Variants in SLC24A2 observed in about 807,000 individuals in gnomAD.
SLC24A2 encodes solute carrier family 24 member 2.
In SLC24A2, 36 loss-of-function variants were observed where a neutral mutation model predicts 62.0. That is an observed-to-expected ratio of 0.58 (90% CI 0.44 to 0.77). SLC24A2 has a LOEUF of 0.77. Among genes scored for constraint, SLC24A2 ranks in the 30% least tolerant of loss-of-function variants. SLC24A2 has a pLI of 0.00. For missense variants in SLC24A2, 846 were observed against 817.9 expected (o/e 1.03, Z -0.42); for synonymous variants, 358 against 294.0 (o/e 1.22, Z -2.23).
At chr9:20,041,780 G>A in the SLC24A2 span, among the ~76,000 whole-genome samples, 3 of 152,372 alleles carry the variant, frequency 2.0e-5, no homozygotes, top group East Asian at 3.9e-4. Flanking sequence ...GTAGCCAGTC[G>A]GGGGTCTAAG....
At chr9:19,753,275 T>C (rs1822039552) in intron 2 of SLC24A2, among the ~76,000 whole-genome samples, 1 of 152,246 alleles carries the variant, frequency 6.6e-6, no homozygotes, top group Admixed American at 6.5e-5. Flanking sequence ...GCAGCACATC[T>C]GATTTCTCAG....
Position 19,744,859 on chromosome 9 carries a change from T to A in SLC24A2, c.930+41078A>T, listed in dbSNP as rs186898646. ...AACATCTAAGCCTGTAACTATTGGC[T>A]TCTTTTCCACATCCACGGTTCTCTC... On this transcript the variant is annotated intron_variant, in intron 2 of 10. Coordinates refer to ENST00000341998, the MANE Select transcript of SLC24A2 (RefSeq NM_020344.4). Among the ~76,000 whole-genome samples the A allele has an allele frequency of 8.9e-4, 135 of 152,308 alleles. 1 individual carries two copies. The highest frequency in any genetic ancestry group is 3.1e-3 in the African/African-American group (130 of 41,574).
intron 8 of SLC24A2, among the ~76,000 whole-genome samples, chr9:19,533,965 C>T (rs185227876): frequency 3.9e-4 from 60 of 152,064 alleles, no homozygotes; most frequent in African/African-American, 8.2e-4. Flanking sequence ...AAACTGGGAC[C>T]GTCCTGGGTA....
chr9:19,592,511 TACC>T, intron 5 of SLC24A2, among the ~76,000 whole-genome samples: 1 of 150,540 alleles, frequency 6.6e-6, no homozygotes, highest in South Asian at 2.2e-4. Flanking sequence ...CCTACCTACC[TACC>T]TACCTACCTA....
At chr9:20,284,929 A>G in the SLC24A2 span, among the ~76,000 whole-genome samples, 1 of 152,256 alleles carries the variant, frequency 6.6e-6, no homozygotes, top group African/African-American at 2.4e-5. Flanking sequence ...AAAAGCTACA[A>G]TGATATTGTT....
At chr9:19,892,133 G>A in the SLC24A2 span, among the ~76,000 whole-genome samples, 4 of 151,942 alleles carry the variant, frequency 2.6e-5, no homozygotes, top group African/African-American at 9.7e-5. Flanking sequence ...CAGGGTCTTT[G>A]CACTTGCTTT....
the SLC24A2 span, among the ~76,000 whole-genome samples, chr9:20,243,732 G>C: frequency 1.3e-5 from 2 of 152,142 alleles, no homozygotes; most frequent in Non-Finnish European, 2.9e-5. Flanking sequence ...CAGAGCAAAT[G>C]AGATGTGGTC....
intron 7 of SLC24A2, among the ~76,000 whole-genome samples, chr9:19,553,001 C>G (rs1367032899): frequency 6.6e-6 from 1 of 152,100 alleles, no homozygotes; most frequent in African/African-American, 2.4e-5. Flanking sequence ...CAGGCTGTGC[C>G]AACAGGGCTC....
intron 2 of SLC24A2, among the ~76,000 whole-genome samples, chr9:19,631,050 T>C (rs1299433451): frequency 6.6e-6 from 1 of 152,178 alleles, no homozygotes; most frequent in Non-Finnish European, 1.5e-5. Context: ...AGTTCATTCT[T>C]TTGTATTATT....
the SLC24A2 span, among the ~76,000 whole-genome samples, chr9:20,031,694 T>C: frequency 6.6e-6 from 1 of 152,120 alleles, no homozygotes; most frequent in African/African-American, 2.4e-5. Flanking sequence ...AGCCTCCATA[T>C]ACATCATTCC....
At chr9:20,269,045 A>G in the SLC24A2 span, among the ~76,000 whole-genome samples, 8 of 152,186 alleles carry the variant, frequency 5.3e-5, no homozygotes, top group African/African-American at 1.9e-4. Context: ...GCAGTTAAGG[A>G]TGCAATATTT....
chr9:20,242,715 C>G, the SLC24A2 span, among the ~76,000 whole-genome samples: 2 of 152,224 alleles, frequency 1.3e-5, no homozygotes, highest in East Asian at 3.8e-4. Flanking sequence ...TTAAAACATC[C>G]TAATGCTAAT....
the SLC24A2 span, among the ~76,000 whole-genome samples, chr9:19,953,037 C>T: frequency 6.6e-6 from 1 of 151,804 alleles, no homozygotes; most frequent in African/African-American, 2.4e-5. Context: ...TCCAAGTTGC[C>T]AATTTATTAT....
chr9:19,799,645 A>G, the SLC24A2 span, among the ~76,000 whole-genome samples: 1 of 152,208 alleles, frequency 6.6e-6, no homozygotes, highest in Non-Finnish European at 1.5e-5. Context: ...AGCCTCCTCT[A>G]ACTGCAGTGA....
At chr9:19,563,762 T>C (rs199674040) in intron 7 of SLC24A2, among the ~76,000 whole-genome samples, 17,994 of 69,808 alleles carry the variant, frequency 0.26, 5,283 homozygotes, top group East Asian at 0.4. Flanking sequence ...TTCCTTCCTT[T>C]CATCTGTAAC....
At chr9:19,709,631 C>T (rs1276646541) in intron 2 of SLC24A2, among the ~76,000 whole-genome samples, 2 of 151,516 alleles carry the variant, frequency 1.3e-5, no homozygotes, top group East Asian at 3.9e-4. Context: ...TGGACACCAT[C>T]ATTCTCAGCA....
At chr9:19,700,009 G>A (rs1820309260) in intron 2 of SLC24A2, among the ~76,000 whole-genome samples, 2 of 152,004 alleles carry the variant, frequency 1.3e-5, no homozygotes, top group South Asian at 2.1e-4. Flanking sequence ...AAAGAGTCCC[G>A]AGCCTCTGTA....
chr9:19,667,541 T>A (rs536080177), intron 2 of SLC24A2, among the ~76,000 whole-genome samples: 1 of 152,166 alleles, frequency 6.6e-6, no homozygotes, highest in East Asian at 1.9e-4. Flanking sequence ...ACTTCCATCA[T>A]AGCCCCTTAG....
rs1823150648 is a variant in SLC24A2 at position 19,785,934 on chromosome 9, A to C, written c.930+3T>G. On this transcript the variant is annotated splice_donor_region_variant and intron_variant, in intron 2 of 10. Transcript: ENST00000341998. ...CATTAAATAAAAATCCACCACCACC[A>C]ACCTTTGCTTGGGCTTCTGGTGCTG... 7.4e-6 allele frequency: 12 copies of C among 1,614,180 alleles called. No individual in the cohort carries two copies. The highest frequency in any genetic ancestry group is 1.0e-5 in the Non-Finnish European group (12 of 1,180,006).
Sources: gnomAD v4.1 joint callset for allele counts (sites outside exome capture counted in the v4.1 genomes callset) on GRCh38, gnomAD v4.1.1 for gene constraint, MANE v1.5 for transcripts, NCBI Gene and HGNC (gene_info 2026-07-23, HGNC 2026-07-21) for gene names.